DPP6: variants seen among roughly 807,000 people sequenced by gnomAD.
DPP6 encodes dipeptidyl peptidase like 6.
Under a neutral mutation model 122.6 loss-of-function variants are expected in DPP6, and 69 were observed. The ratio of observed to expected loss-of-function variants is 0.56; its 90% CI spans 0.46 to 0.69. DPP6 has a LOEUF of 0.69. DPP6 is among the 30% of genes least tolerant of loss of function. DPP6 has a pLI of 0.00. For synonymous variants in DPP6, 418 were observed against 433.1 expected, an observed-to-expected ratio of 0.97 and a Z score of 0.43; for missense variants, 928 against 1,116.9, an observed-to-expected ratio of 0.83 and a Z score of 2.41.
At chr7:154,097,695 G>A (rs1805428367) in intron 1 of DPP6, among the ~76,000 whole-genome samples, 1 of 152,238 alleles carries the variant, frequency 6.6e-6, no homozygotes, top group African/African-American at 2.4e-5. Flanking sequence ...AGACTGGCTG[G>A]TACTCTGGCT....
At chr7:154,136,510 C>T (rs1585457566) in intron 1 of DPP6, among the ~76,000 whole-genome samples, 1 of 152,144 alleles carries the variant, frequency 6.6e-6, no homozygotes, top group South Asian at 2.1e-4. Context: ...TCATTTAGTC[C>T]GGTAAGCCGT....
chr7:154,790,551 A>T (rs1323061643), intron 10 of DPP6, among the ~76,000 whole-genome samples: 1 of 152,128 alleles, frequency 6.6e-6, no homozygotes, highest in Admixed American at 6.5e-5. Context: ...TTTCATCACC[A>T]TAACATCTCT....
chr7:154,721,912 T>C (rs1841831823), intron 7 of DPP6, among the ~76,000 whole-genome samples: 1 of 148,734 alleles, frequency 6.7e-6, no homozygotes, highest in Admixed American at 6.8e-5. Context: ...ACACCTCTAA[T>C]CCCAACACTT....
chr7:153,895,729 C>T (rs1316952922), intron 1 of DPP6, among the ~76,000 whole-genome samples: 1 of 4,502 alleles, frequency 2.2e-4, no homozygotes, highest in Non-Finnish European at 3.3e-4. Context: ...TGCATGCGTG[C>T]ACACACACAC....
At chr7:154,643,801 G>T (rs1280935742) in intron 6 of DPP6, among the ~76,000 whole-genome samples, 1 of 152,180 alleles carries the variant, frequency 6.6e-6, no homozygotes, top group African/African-American at 2.4e-5. Context: ...AGGGTTGAAG[G>T]TGTCACCATC....
the DPP6 span, among the ~76,000 whole-genome samples, chr7:153,847,213 G>A: frequency 6.6e-6 from 1 of 152,050 alleles, no homozygotes; most frequent in Non-Finnish European, 1.5e-5. Flanking sequence ...GAAAGCAAAG[G>A]AATGAAAGAA....
chr7:154,644,484 G>A (rs1038520031), intron 6 of DPP6, among the ~76,000 whole-genome samples: 1 of 152,142 alleles, frequency 6.6e-6, no homozygotes, highest in Non-Finnish European at 1.5e-5. Flanking sequence ...GGAGGGCAGC[G>A]ATGAGAATTC....
chr7:154,320,249 C>G (rs749318715), intron 1 of DPP6, among the ~76,000 whole-genome samples: 1 of 151,972 alleles, frequency 6.6e-6, no homozygotes, highest in Non-Finnish European at 1.5e-5. Flanking sequence ...TTTACACTGA[C>G]GGTGCCTCTC....
At chr7:154,372,142 G>A (rs1812728681) in intron 1 of DPP6, among the ~76,000 whole-genome samples, 1 of 152,100 alleles carries the variant, frequency 6.6e-6, no homozygotes, top group Admixed American at 6.5e-5. Flanking sequence ...CCCCAGTGGA[G>A]GTTGCTGCCT....
intron 1 of DPP6, among the ~76,000 whole-genome samples, chr7:153,952,226 T>A (rs750599618): frequency 9.9e-5 from 15 of 152,216 alleles, no homozygotes; most frequent in Non-Finnish European, 2.1e-4. Context: ...TATGCTCAAT[T>A]AATGTGATAT....
At chr7:154,430,213 A>G (rs1427113814) in intron 1 of DPP6, among the ~76,000 whole-genome samples, 1 of 152,214 alleles carries the variant, frequency 6.6e-6, no homozygotes, top group Non-Finnish European at 1.5e-5. Context: ...GTGAGTAGAC[A>G]GCACTAAGGC....
intron 1 of DPP6, among the ~76,000 whole-genome samples, chr7:153,917,169 G>C (rs962640501): frequency 1.3e-5 from 2 of 152,128 alleles, no homozygotes; most frequent in African/African-American, 4.8e-5. Flanking sequence ...GTTCTTATAG[G>C]GTCTACAGTG....
At chr7:153,810,985 A>G in the DPP6 span, among the ~76,000 whole-genome samples, 1 of 151,940 alleles carries the variant, frequency 6.6e-6, no homozygotes, top group South Asian at 2.1e-4. Flanking sequence ...TGCTTTAACC[A>G]GTACTGGAAT....
chr7:154,861,637 A>G (rs1308040479), intron 17 of DPP6, among the ~76,000 whole-genome samples: 5 of 152,150 alleles, frequency 3.3e-5, no homozygotes, highest in Non-Finnish European at 7.4e-5. Flanking sequence ...CATAATTATC[A>G]CTTGTTCACA....
chr7:154,872,743 T>G, intron 19 of DPP6, 50 bp downstream of exon 19: 2 of 1,560,530 alleles, frequency 1.3e-6, no homozygotes, highest in Non-Finnish European at 1.7e-6. Flanking sequence ...TGGGGCTCCG[T>G]GACACCCATG....
chr7:153,964,936 TTC>T (rs1215346070), intron 1 of DPP6, among the ~76,000 whole-genome samples: 3 of 133,854 alleles, frequency 2.2e-5, no homozygotes, highest in Non-Finnish European at 4.5e-5. Flanking sequence ...CTTTCTTTCT[TTC>T]TTTTTCTTTC....
chr7:153,848,942 A>G, the DPP6 span, among the ~76,000 whole-genome samples: 2 of 152,078 alleles, frequency 1.3e-5, no homozygotes, highest in Non-Finnish European at 2.9e-5. Flanking sequence ...CAATAATCCC[A>G]TTGTTTTCCA....
At chr7:153,882,792 C>T (rs1048846779), upstream of DPP6, among the ~76,000 whole-genome samples, 1 of 152,100 alleles carries the variant, frequency 6.6e-6, no homozygotes, top group Non-Finnish European at 1.5e-5. Context: ...ATGGCAGACC[C>T]TATGGGGCTT....
intron 20 of DPP6, among the ~76,000 whole-genome samples, chr7:154,878,920 G>A (rs552563023): frequency 1.2e-4 from 18 of 152,356 alleles, no homozygotes; most frequent in East Asian, 3.9e-4. Context: ...ATTTGTTCAC[G>A]TAGCTAGTGG....
Sources: gnomAD v4.1 joint callset for allele counts (sites outside exome capture counted in the v4.1 genomes callset) on GRCh38, gnomAD v4.1.1 for gene constraint, MANE v1.5 for transcripts, NCBI Gene and HGNC (gene_info 2026-07-23, HGNC 2026-07-21) for gene names.